PIK3C3: variants seen among roughly 807,000 people sequenced by gnomAD.
PIK3C3 encodes the protein PI3-kinase type 3.
In PIK3C3, 95 loss-of-function variants were observed where a neutral mutation model predicts 126.1. The observed-to-expected ratio is 0.75, with a 90% confidence interval of 0.64 to 0.89. The LOEUF (loss-of-function observed/expected upper bound fraction) is 0.89, where lower values mean the gene tolerates loss of function less well. Ranked by LOEUF, PIK3C3 falls within the 40% of genes least tolerant of loss-of-function variation. The probability of loss-of-function intolerance (pLI) is 0.00; values close to 1 mark genes in which losing one functional copy is unlikely to be tolerated. For synonymous variants in PIK3C3, 374 were observed against 360.0 expected (o/e 1.04, Z -0.44); for missense variants, 829 against 1,063.2 (o/e 0.78, Z 3.06).
intron 10 of PIK3C3, among the ~76,000 whole-genome samples, chr18:42,006,730 A>AT (rs1234135084): frequency 6.6e-6 from 1 of 151,866 alleles, no homozygotes; most frequent in Non-Finnish European, 1.5e-5. Context: ...TTTACTGTGA[A>AT]TTTTTTTGTT....
chr18:41,957,911 T>C (rs1979873320), intron 2 of PIK3C3, among the ~76,000 whole-genome samples, 153 bp downstream of exon 2: 1 of 152,236 alleles, frequency 6.6e-6, no homozygotes, highest in Admixed American at 6.5e-5. Flanking sequence ...TCAGATAAAG[T>C]ATTATGCATG....
intron 16 of PIK3C3, among the ~76,000 whole-genome samples, chr18:42,036,705 T>TG (rs1984069682): frequency 6.6e-6 from 1 of 152,110 alleles, no homozygotes. Context: ...GGAAGGACTG[T>TG]GGGGAAAACA....
At chr18:42,034,146 G>A (rs593248) in intron 16 of PIK3C3, among the ~76,000 whole-genome samples, 189 bp downstream of exon 16, 76,720 of 152,026 alleles carry the variant, frequency 0.5, 21,405 homozygotes, top group African/African-American at 0.75. Context: ...TTTTGTTACC[G>A]GTACATGGGC....
intron 4 of PIK3C3, among the ~76,000 whole-genome samples, chr18:41,973,319 A>T (rs1346542428): frequency 6.6e-6 from 1 of 151,982 alleles, no homozygotes; most frequent in Non-Finnish European, 1.5e-5. Context: ...CTTGCTTCTT[A>T]AATTTTTAGA....
intron 24 of PIK3C3, among the ~76,000 whole-genome samples, chr18:42,067,875 G>C (rs1265439880): frequency 6.6e-6 from 1 of 152,174 alleles, no homozygotes; most frequent in Non-Finnish European, 1.5e-5. Flanking sequence ...AAGTTTAGAA[G>C]CTAAGAAAAG....
chr18:42,033,012 A>G (rs1983900453), intron 15 of PIK3C3, among the ~76,000 whole-genome samples: 1 of 152,216 alleles, frequency 6.6e-6, no homozygotes, highest in East Asian at 1.9e-4. Flanking sequence ...TCCCAGTAGC[A>G]TTGTAGTTGA....
At chr18:42,000,800 G>C (rs534408075) in intron 9 of PIK3C3, among the ~76,000 whole-genome samples, 1 of 152,204 alleles carries the variant, frequency 6.6e-6, no homozygotes, top group African/African-American at 2.4e-5. Flanking sequence ...GATCTCATGA[G>C]ACTTACTCAC....
At chr18:42,025,890 A>T (rs543309194) in intron 13 of PIK3C3, 1 of 152,226 alleles carries the variant, frequency 6.6e-6, no homozygotes, top group Non-Finnish European at 1.5e-5. Flanking sequence ...TTGAGCATCT[A>T]TTATGAGCTA....
chr18:42,047,235 T>G (rs1984596447), intron 20 of PIK3C3, among the ~76,000 whole-genome samples: 1 of 152,180 alleles, frequency 6.6e-6, no homozygotes. Context: ...ACAACTCAGC[T>G]GCACTGATGT....
chr18:41,990,007 T>G (rs1981696513), intron 5 of PIK3C3, among the ~76,000 whole-genome samples: 1 of 152,214 alleles, frequency 6.6e-6, no homozygotes, highest in Non-Finnish European at 1.5e-5. Flanking sequence ...GCCTCTGTTC[T>G]TAGGTTGCAC....
chr18:41,995,226 A>C (rs1162662887), intron 7 of PIK3C3, among the ~76,000 whole-genome samples: 1 of 152,118 alleles, frequency 6.6e-6, no homozygotes, highest in Non-Finnish European at 1.5e-5. Flanking sequence ...AACTACATAC[A>C]TTACAGATAT....
intron 16 of PIK3C3, among the ~76,000 whole-genome samples, chr18:42,036,644 T>C (rs947587293): frequency 9.9e-5 from 15 of 152,018 alleles, no homozygotes; most frequent in African/African-American, 3.4e-4. Context: ...TATTTTTTTT[T>C]TGTTGATTTA....
intron 6 of PIK3C3, among the ~76,000 whole-genome samples, chr18:41,991,064 A>G (rs77055784): frequency 0.011 from 1,644 of 152,276 alleles, 29 homozygotes; most frequent in African/African-American, 0.038. Context: ...AGGCTGGGTA[A>G]TAACAAATAT....
chr18:42,060,796 A>T (rs116165661), intron 22 of PIK3C3, among the ~76,000 whole-genome samples: 12 of 152,238 alleles, frequency 7.9e-5, no homozygotes, highest in Admixed American at 2.0e-4. Context: ...AAAAAAATTT[A>T]AAAAAATGTG....
chr18:42,086,904 A>G lies in PIK3C3; in HGVS notation c.*5767A>G, dbSNP rs1212156070. The G allele has an allele frequency of 6.6e-6, 1 of 152,160 alleles. No individual in the cohort carries two copies. Among genetic ancestry groups the G allele is most frequent in the Non-Finnish European group, 1.5e-5 (1 of 68,036 alleles). The allele number at this position is 152,160 out of a possible 1,614,324, so 9.4% of individuals were successfully genotyped here. A position where few individuals can be genotyped will look rare whatever the true frequency, so the allele number is the denominator to read the frequency against. ...TGCTTTCACTTTATGGACTCCCCTG[A>G]ATTCTTCTGCAGGAGATCCAAGAAC... is the stretch of plus-strand genomic sequence containing the variant. On this transcript the variant is annotated 3_prime_UTR_variant, in exon 25 of 25. Coordinates refer to ENST00000262039, the MANE Select transcript of PIK3C3 (RefSeq NM_002647.4).
chr18:42,037,636 A>G (rs1984114078), intron 16 of PIK3C3, 56 bp from the exon 17 acceptor site: 2 of 1,499,838 alleles, frequency 1.3e-6, no homozygotes, highest in African/African-American at 2.8e-5. Context: ...TATGTATAGT[A>G]CAATTTTATG....
intron 2 of PIK3C3, among the ~76,000 whole-genome samples, chr18:41,959,348 T>A (rs531998075): frequency 9.8e-5 from 15 of 152,336 alleles, no homozygotes; most frequent in Admixed American, 3.3e-4. Context: ...GTTTTTATAT[T>A]ATATGTTTGC....
chr18:41,970,489 T>C (rs1382001832), intron 4 of PIK3C3, 33 bp downstream of exon 4: 15 of 1,600,118 alleles, frequency 9.4e-6, no homozygotes, highest in Middle Eastern at 1.7e-4. Context: ...GGTGCAAAGC[T>C]CTGACTGATG....
intron 4 of PIK3C3, 47 bp from the exon 5 acceptor site, chr18:41,987,765 T>C: frequency 7.7e-7 from 1 of 1,295,376 alleles, no homozygotes; most frequent in Middle Eastern, 1.8e-4. Context: ...GGTCCTTCTT[T>C]CTACTAGATG....
Sources: allele counts gnomAD v4.1 joint callset (sites outside exome capture counted in the v4.1 genomes callset), GRCh38; gene constraint gnomAD v4.1.1; transcripts MANE v1.5; gene names NCBI Gene and HGNC (gene_info 2026-07-23, HGNC 2026-07-21).